The following SUGCT variants were observed in gnomAD, a reference collection of about 807,000 sequenced individuals.
SUGCT encodes succinyl-CoA:glutarate-CoA transferase.
Under a neutral mutation model 55.0 loss-of-function variants are expected in SUGCT, and 41 were observed. The ratio of observed to expected loss-of-function variants is 0.74; its 90% CI spans 0.58 to 0.97. The LOEUF (loss-of-function observed/expected upper bound fraction) is 0.97. Ranked by LOEUF, SUGCT falls within the 50% of genes least tolerant of loss-of-function variation. The pLI is 0.00. For missense variants in SUGCT, 568 were observed against 547.8 expected, an observed-to-expected ratio of 1.04 and a Z score of -0.37; for synonymous variants, 187 against 200.4, an observed-to-expected ratio of 0.93 and a Z score of 0.56.
chr7:40,893,466 G>C, the SUGCT span, among the ~76,000 whole-genome samples: 1 of 152,060 alleles, frequency 6.6e-6, no homozygotes, highest in Non-Finnish European at 1.5e-5. Context: ...ACAAATTCAA[G>C]AAGACTAAAA....
At chr7:40,189,196 G>T (rs1467755561) in intron 4 of SUGCT, among the ~76,000 whole-genome samples, 1 of 152,044 alleles carries the variant, frequency 6.6e-6, no homozygotes, top group African/African-American at 2.4e-5. Flanking sequence ...ACAAACATTA[G>T]CTGGGCGTGG....
chr7:40,164,039 C>T (rs977220592), intron 1 of SUGCT, among the ~76,000 whole-genome samples: 6 of 151,716 alleles, frequency 4.0e-5, no homozygotes, highest in Admixed American at 6.6e-5. Flanking sequence ...AGGATGGTCT[C>T]GAACTCCTGG....
At chr7:40,539,473 G>T (rs542011422) in intron 12 of SUGCT, 3 of 152,134 alleles carry the variant, frequency 2.0e-5, no homozygotes, top group South Asian at 2.1e-4. Flanking sequence ...CTCGAATTTG[G>T]TTCTGAGATT....
chr7:40,911,406 TA>T, the SUGCT span, among the ~76,000 whole-genome samples: 1 of 151,616 alleles, frequency 6.6e-6, no homozygotes, highest in Non-Finnish European at 1.5e-5. Flanking sequence ...TGATTAAAAT[TA>T]AAAAAAAATT....
chr7:40,960,023 A>G, the SUGCT span, among the ~76,000 whole-genome samples: 1 of 151,764 alleles, frequency 6.6e-6, no homozygotes, highest in Admixed American at 6.6e-5. Flanking sequence ...AACCAGTCCC[A>G]TTGAGATGTG....
the SUGCT span, among the ~76,000 whole-genome samples, chr7:40,881,053 A>T: frequency 2.6e-5 from 4 of 152,326 alleles, no homozygotes; most frequent in Admixed American, 6.5e-5. Flanking sequence ...ACAGAACATA[A>T]CTTCTACCTT....
At chr7:40,213,106 GT>G (rs199507748) in intron 6 of SUGCT, among the ~76,000 whole-genome samples, 3,540 of 152,044 alleles carry the variant, frequency 0.023, 134 homozygotes, top group African/African-American at 0.082. Flanking sequence ...TATTTTTAAT[GT>G]TTTTTTATGT....
intron 9 of SUGCT, among the ~76,000 whole-genome samples, chr7:40,382,316 T>C (rs1784914265): frequency 6.6e-6 from 1 of 152,142 alleles, no homozygotes; most frequent in Non-Finnish European, 1.5e-5. Flanking sequence ...CACACATTTA[T>C]ACATGTGACT....
chr7:40,964,883 C>T, the SUGCT span: 14 of 152,196 alleles, frequency 9.2e-5, no homozygotes, highest in African/African-American at 2.4e-4. Flanking sequence ...ACTACCTCAT[C>T]ACAACACTGG....
At chr7:40,899,828 T>C in the SUGCT span, among the ~76,000 whole-genome samples, 1 of 152,282 alleles carries the variant, frequency 6.6e-6, no homozygotes, top group East Asian at 1.9e-4. Flanking sequence ...GGCCAGGAAA[T>C]TGAGTCTTTA....
downstream of SUGCT, among the ~76,000 whole-genome samples, chr7:40,863,318 C>T (rs1794527123): frequency 6.6e-6 from 1 of 152,194 alleles, no homozygotes; most frequent in African/African-American, 2.4e-5. Context: ...GGCATGAAGA[C>T]TTCACAACTC....
At chr7:40,390,628 A>C (rs1785372939) in intron 9 of SUGCT, among the ~76,000 whole-genome samples, 1 of 152,212 alleles carries the variant, frequency 6.6e-6, no homozygotes, top group Non-Finnish European at 1.5e-5. Context: ...CCTCAACAAA[A>C]TAAAATGACA....
At position 40,622,593 on chromosome 7, in the gene SUGCT, A is replaced by G. The variant is rs1304293343; in HGVS notation, c.1089+126207A>G. Among the ~76,000 whole-genome samples, 3 of 137,634 alleles carry G rather than the reference A, an allele frequency of 2.2e-5. No individual in the cohort carries two copies. The Middle Eastern group carries it at 0.013, about 609-fold the overall frequency. 90.3% of individuals were successfully genotyped at this position (137,634 alleles called of 152,430 possible). On this transcript the variant is annotated intron_variant, in intron 12 of 13. Transcript: ENST00000335693. ...ATTTCTGGCTAAAATTCACACACAT[A>G]TATGCATACTGCTATACCCACCCAC...
intron 8 of SUGCT, among the ~76,000 whole-genome samples, chr7:40,296,798 T>C (rs1303382034): frequency 6.6e-6 from 1 of 151,990 alleles, no homozygotes; most frequent in Admixed American, 6.6e-5. Context: ...GATTTCGAGC[T>C]TATTGTTGAA....
At chr7:40,365,425 G>C (rs1269803560) in intron 9 of SUGCT, among the ~76,000 whole-genome samples, 7 of 151,566 alleles carry the variant, frequency 4.6e-5, no homozygotes, top group African/African-American at 7.3e-5. Context: ...CAATCAGGCA[G>C]GAGAAGGAAA....
At chr7:40,195,440 C>T (rs1298064508) in intron 6 of SUGCT, among the ~76,000 whole-genome samples, 1 of 151,912 alleles carries the variant, frequency 6.6e-6, no homozygotes, top group Non-Finnish European at 1.5e-5. Flanking sequence ...CCAGGATGGT[C>T]TCAATCTCCT....
chr7:40,819,240 C>A (rs527650728), intron 13 of SUGCT, among the ~76,000 whole-genome samples: 1 of 152,066 alleles, frequency 6.6e-6, no homozygotes, highest in South Asian at 2.1e-4. Flanking sequence ...GTCTTTATAG[C>A]GGCATGATTT....
intron 13 of SUGCT, among the ~76,000 whole-genome samples, chr7:40,833,347 C>G (rs1191747949): frequency 6.6e-6 from 1 of 152,086 alleles, no homozygotes; most frequent in Non-Finnish European, 1.5e-5. Flanking sequence ...TGAATTATTT[C>G]TCCCATTTGT....
At chr7:40,686,945 T>A (rs191651976) in intron 12 of SUGCT, among the ~76,000 whole-genome samples, 274 of 152,220 alleles carry the variant, frequency 1.8e-3, no homozygotes, top group African/African-American at 6.3e-3. Flanking sequence ...TTTTCAGTGT[T>A]ACCCTGCACA....
Sources: allele counts gnomAD v4.1 joint callset (sites outside exome capture counted in the v4.1 genomes callset), GRCh38; gene constraint gnomAD v4.1.1; transcripts MANE v1.5; gene names NCBI Gene and HGNC (gene_info 2026-07-23, HGNC 2026-07-21).